Variants in DOCK8 observed in about 807,000 individuals in gnomAD.
DOCK8 encodes dedicator of cytokinesis protein 8.
In DOCK8, 141 loss-of-function variants were observed where a neutral mutation model predicts 245.6. The ratio of observed to expected loss-of-function variants is 0.57; its 90% CI spans 0.50 to 0.66. The LOEUF is 0.66. Ranked by LOEUF, DOCK8 falls within the 30% of genes least tolerant of loss-of-function variation. DOCK8 has a pLI of 0.00. For missense variants in DOCK8, 2,965 were observed against 2,603.4 expected (o/e 1.14, Z -3.02); for synonymous variants, 1,168 against 970.2 (o/e 1.20, Z -3.79).
At chr9:229,308 G>A (rs1251180807) in intron 1 of DOCK8, among the ~76,000 whole-genome samples, 1 of 152,172 alleles carries the variant, frequency 6.6e-6, no homozygotes, top group Non-Finnish European at 1.5e-5. Flanking sequence ...CAGAGAAACT[G>A]AGACCAAATA....
At chr9:277,319 C>T (rs573954795) in intron 2 of DOCK8, among the ~76,000 whole-genome samples, 5 of 151,662 alleles carry the variant, frequency 3.3e-5, no homozygotes, top group African/African-American at 7.3e-5. Context: ...CAGCTACTTG[C>T]GAGGCTGAGG....
chr9:299,656 G>T (rs904849869), intron 4 of DOCK8, among the ~76,000 whole-genome samples: 1 of 151,178 alleles, frequency 6.6e-6, no homozygotes, highest in Admixed American at 6.6e-5. Context: ...CCCCAATTTA[G>T]CCTGCGTTTC....
chr9:354,938 C>T (rs921211050), intron 14 of DOCK8, among the ~76,000 whole-genome samples: 4 of 152,258 alleles, frequency 2.6e-5, no homozygotes, highest in African/African-American at 9.6e-5. Flanking sequence ...GTCACTACAT[C>T]AGAAGCGAGT....
chr9:287,422 A>G (rs189865609), intron 3 of DOCK8, among the ~76,000 whole-genome samples: 1 of 152,336 alleles, frequency 6.6e-6, no homozygotes, highest in African/African-American at 2.4e-5. Flanking sequence ...TAAAAGCCAA[A>G]TTAAGATTCA....
intron 10 of DOCK8, among the ~76,000 whole-genome samples, chr9:333,515 A>C (rs192712641): frequency 2.4e-4 from 37 of 151,958 alleles, no homozygotes; most frequent in East Asian, 3.9e-4. Context: ...GCAGGAGAAT[A>C]GCTTGAACCT....
At chr9:230,385 G>C in intron 1 of DOCK8, among the ~76,000 whole-genome samples, 1 of 152,102 alleles carries the variant, frequency 6.6e-6, no homozygotes, top group Non-Finnish European at 1.5e-5. Flanking sequence ...CTTTATAGCA[G>C]CATGATTTAT....
intron 1 of DOCK8, among the ~76,000 whole-genome samples, chr9:240,149 T>G (rs2047345240): frequency 6.6e-6 from 1 of 152,210 alleles, no homozygotes; most frequent in African/African-American, 2.4e-5. Context: ...TAAAGATATT[T>G]TTACTTATAA....
Position 463,568 on chromosome 9 carries a change from G to A in DOCK8, c.6120G>A (p.Arg2040=), listed in dbSNP as rs150524921. Residue 2040 remains arginine (R), a synonymous_variant, in exon 47 of 48, where the codon AGG becomes AGA. Coordinates refer to ENST00000432829, the MANE Select transcript of DOCK8 (RefSeq NM_203447.4). ...KNKRLITADQ[R]EYQQELKKNY... ...AGCGTCTCATCACGGCAGACCAGAG[G>A]GAATATCAGCAGGAACTCAAAAAGA... 40 of 1,614,018 alleles carry A rather than the reference G, an allele frequency of 2.5e-5. No individual in the cohort carries two copies. The African/African-American group carries it at 2.7e-4, about 11-fold the overall frequency.
chr9:389,944 T>C (rs1198616955), intron 23 of DOCK8, among the ~76,000 whole-genome samples: 2 of 152,056 alleles, frequency 1.3e-5, no homozygotes, highest in Admixed American at 1.3e-4. Flanking sequence ...GGAGGATTGC[T>C]TGAGCCAGGG....
chr9:382,502 G>A lies in DOCK8; in HGVS notation c.2606-11G>A. 6.2e-7 allele frequency: 1 copy of A among 1,613,334 alleles called. No individual in the cohort carries two copies. The highest frequency in any genetic ancestry group is 8.5e-7 in the Non-Finnish European group (1 of 1,179,852). ...CTGTCTGTTGACATGTCTCTGCCTG[G>A]TGGGGTGCAGGCGCTCCCACTGCCC... On this transcript the variant is annotated splice_polypyrimidine_tract_variant and intron_variant, in intron 21 of 47. Coordinates refer to ENST00000432829, the MANE Select transcript of DOCK8 (RefSeq NM_203447.4).
At chr9:347,187 A>G (rs1285639565) in intron 14 of DOCK8, among the ~76,000 whole-genome samples, 1 of 152,028 alleles carries the variant, frequency 6.6e-6, no homozygotes, top group Non-Finnish European at 1.5e-5. Flanking sequence ...ACCCTTAATG[A>G]GTTCCTGTAC....
At chr9:240,367 C>T (rs1037517536) in intron 1 of DOCK8, among the ~76,000 whole-genome samples, 2 of 149,614 alleles carry the variant, frequency 1.3e-5, no homozygotes, top group African/African-American at 4.9e-5. Context: ...TCCTTAAGTT[C>T]CCTGTGGCCA....
At chr9:308,191 T>C (rs1447583002) in intron 5 of DOCK8, among the ~76,000 whole-genome samples, 2 of 152,206 alleles carry the variant, frequency 1.3e-5, no homozygotes, top group African/African-American at 4.8e-5. Flanking sequence ...TCCAAATAGC[T>C]AGAAGAAAGG....
intron 5 of DOCK8, among the ~76,000 whole-genome samples, chr9:311,098 C>A (rs1439846819): frequency 6.6e-6 from 1 of 152,032 alleles, no homozygotes; most frequent in Non-Finnish European, 1.5e-5. Context: ...CCAGCCTGGA[C>A]AATATGGTGA....
chr9:271,321 G>T (rs1297386136), intron 1 of DOCK8, among the ~76,000 whole-genome samples: 6 of 152,164 alleles, frequency 3.9e-5, no homozygotes, highest in Non-Finnish European at 8.8e-5. Context: ...ATGGCTGGGG[G>T]AGAAGGAGTC....
intron 10 of DOCK8, among the ~76,000 whole-genome samples, chr9:333,780 T>G (rs982189771): frequency 1.3e-5 from 2 of 152,122 alleles, no homozygotes; most frequent in African/African-American, 2.4e-5. Context: ...TAAGGAGTTG[T>G]TAGGAAGCTT....
chr9:464,024 T>A (rs2057897108), intron 47 of DOCK8, 135 bp from the exon 48 acceptor site: 1 of 826,838 alleles, frequency 1.2e-6, no homozygotes, highest in African/African-American at 1.7e-5. Flanking sequence ...TCACTTATTA[T>A]TTGCTGAGTT....
At chr9:331,225 T>C (rs1475227171) in intron 9 of DOCK8, among the ~76,000 whole-genome samples, 2 of 152,198 alleles carry the variant, frequency 1.3e-5, no homozygotes, top group South Asian at 2.1e-4. Flanking sequence ...AAGTAAACGA[T>C]TGCTGATTAG....
chr9:289,650 T>A, intron 4 of DOCK8, 69 bp downstream of exon 4: 1 of 1,384,626 alleles, frequency 7.2e-7, no homozygotes, highest in East Asian at 2.5e-5. Flanking sequence ...TAAATATTTC[T>A]TAATACTTTG....
Sources: allele counts gnomAD v4.1 joint callset (sites outside exome capture counted in the v4.1 genomes callset), GRCh38; gene constraint gnomAD v4.1.1; transcripts MANE v1.5; gene names NCBI Gene and HGNC (gene_info 2026-07-23, HGNC 2026-07-21).